Variants in RADIL observed in about 807,000 individuals in gnomAD.
The protein encoded by RADIL is ras-associating and dilute domain-containing protein.
RADIL carries 99 observed loss-of-function variants against 97.6 expected under a neutral mutation model. That is an observed-to-expected ratio of 1.01 (90% CI 0.86 to 1.20). The LOEUF is 1.20. Among genes scored for constraint, RADIL ranks in the 50% most tolerant of loss-of-function variants. RADIL has a pLI of 0.00. For missense variants in RADIL, 1,765 were observed against 1,498.9 expected (o/e 1.18, Z -2.93); for synonymous variants, 803 against 691.8 (o/e 1.16, Z -2.52).
rs1402454169 is a variant in RADIL at position 4,797,597 on chromosome 7, A to G, written c.*1781T>C. 6.6e-6 allele frequency: 1 copy of G among 152,078 alleles called. No individual in the cohort carries two copies. Among genetic ancestry groups the G allele is most frequent in the Non-Finnish European group, 1.5e-5 (1 of 68,040 alleles). The allele number at this position is 152,078 out of a possible 1,614,324, so 9.4% of individuals were successfully genotyped here. A position where few individuals can be genotyped will look rare whatever the true frequency, so the allele number is the denominator to read the frequency against. On this transcript the variant is annotated 3_prime_UTR_variant, in exon 15 of 15. Coordinates refer to ENST00000399583, the MANE Select transcript of RADIL (RefSeq NM_018059.5). ...TCAAATCAGAGTCCAGGATCCTGGG[A>G]TCTGCACCAGGTCCAGAAATGCAGA...
At position 4,860,098 on chromosome 7, in the gene RADIL, C is replaced by A. The variant is rs914579628; in HGVS notation, c.535+17507G>T. 1 of 1,613,996 alleles carries A rather than the reference C, an allele frequency of 6.2e-7. No homozygotes were observed. ...CCTGTTGCAAGGAAAATTCAGTAGC[C>A]TGTATGTTAGCCACAGATGCTGTCA... On this transcript the variant is annotated intron_variant, in intron 2 of 14. Transcript: ENST00000399583.
rs539840505 is a variant in RADIL at position 4,815,643 on chromosome 7, C to T, written c.1967-193G>A. 3.3e-5 allele frequency among the ~76,000 whole-genome samples: 5 copies of T among 152,218 alleles called. No homozygotes were observed. The East Asian group carries it at 7.7e-4, about 24-fold the overall frequency. ...TGAACCCCTCTCTGGAGCGGGGGTACGGTGGGAGGTGAACGTAGCAGGGCA... is the reference window on the plus strand; with the variant it reads ...TGAACCCCTCTCTGGAGCGGGGGTATGGTGGGAGGTGAACGTAGCAGGGCA... On this transcript the variant is annotated intron_variant, in intron 8 of 14. Coordinates refer to ENST00000399583, the MANE Select transcript of RADIL (RefSeq NM_018059.5). The surrounding 1 kb of genome is among the most constrained non-coding windows in gnomAD (Gnocchi z 8.0).
At chr7:4,848,302 A>T (rs1404523806) in intron 2 of RADIL, among the ~76,000 whole-genome samples, 1 of 152,040 alleles carries the variant, frequency 6.6e-6, no homozygotes, top group Non-Finnish European at 1.5e-5. Context: ...ATTCAATTGT[A>T]TACTAAAAAC....
At chr7:4,808,093 T>TCC (rs1782402999) in intron 9 of RADIL, among the ~76,000 whole-genome samples, 1 of 99,770 alleles carries the variant, frequency 1.0e-5, no homozygotes, top group African/African-American at 3.9e-5. Flanking sequence ...CCCTCCCTCC[T>TCC]CCTTCTTCCT....
At chr7:4,807,209 T>G (rs1399101733) in intron 9 of RADIL, among the ~76,000 whole-genome samples, 1 of 152,012 alleles carries the variant, frequency 6.6e-6, no homozygotes, top group Non-Finnish European at 1.5e-5. Context: ...GGCTACCAGA[T>G]GTCCACGCTG....
At chr7:4,823,948 C>T (rs1782904685) in intron 5 of RADIL, among the ~76,000 whole-genome samples, 1 of 152,234 alleles carries the variant, frequency 6.6e-6, no homozygotes, top group Non-Finnish European at 1.5e-5. Flanking sequence ...CCTGGGACGC[C>T]CCAGGGTCCT....
chr7:4,838,923 C>T (rs1783371477), intron 2 of RADIL, among the ~76,000 whole-genome samples: 1 of 152,216 alleles, frequency 6.6e-6, no homozygotes. Context: ...CCAGCAGGAC[C>T]CGTGCACTCG....
At position 4,813,020 on chromosome 7, in the gene RADIL, G is replaced by A. The variant is rs538671316; in HGVS notation, c.2139+2258C>T. 6.6e-6 allele frequency among the ~76,000 whole-genome samples: 1 copy of A among 152,200 alleles called. No individual in the cohort carries two copies. Among genetic ancestry groups the A allele is most frequent in the Non-Finnish European group, 1.5e-5 (1 of 68,004 alleles). On this transcript the variant is annotated intron_variant, in intron 9 of 14. Coordinates refer to ENST00000399583, the MANE Select transcript of RADIL (RefSeq NM_018059.5). This position sits in a 1 kb window ranked among gnomAD's most constrained non-coding sequence, Gnocchi z 5.0. ...CTTAATGCTGAGTTGGGGTTGGCAA[G>A]CTTTTGGTGAGGCTCAGACAGCCTC...
rs185380499 is a variant in RADIL at position 4,837,802 on chromosome 7, C to T, written c.536-1197G>A. 3.2e-3 allele frequency: 3,188 copies of T among 981,128 alleles called. 2 individuals are homozygous for T. Among genetic ancestry groups the T allele is most frequent in the Non-Finnish European group, 3.6e-3 (2,991 of 826,146 alleles). 60.8% of individuals were successfully genotyped at this position (981,128 alleles called of 1,614,324 possible). On this transcript the variant is annotated intron_variant, in intron 2 of 14. Coordinates refer to ENST00000399583, the MANE Select transcript of RADIL (RefSeq NM_018059.5). The surrounding 1 kb of genome is among the most constrained non-coding windows in gnomAD (Gnocchi z 5.6). ...AAATGCATGCTCTGGGAAAGCCAGC[C>T]GGCTGCGATAGATGAAAACCGCTCA...
At position 4,814,737 on chromosome 7, in the gene RADIL, G is replaced by A. The variant is rs931307712; in HGVS notation, c.2139+541C>T. Among the ~76,000 whole-genome samples the A allele has an allele frequency of 3.3e-5, 5 of 152,174 alleles. No individual in the cohort carries two copies. The highest frequency in any genetic ancestry group is 9.7e-5 in the African/African-American group (4 of 41,436). ...GAGCTGACAGCAAGATGAAGCCCCC[G>A]GGGGAGGATCTGTCTCCCTGCTCTT... On this transcript the variant is annotated intron_variant, in intron 9 of 14. Transcript: ENST00000399583. This position sits in a 1 kb window ranked among gnomAD's most constrained non-coding sequence, Gnocchi z 4.5.
At chr7:4,832,229 A>C (rs975857605) in intron 4 of RADIL, 51 bp from the exon 5 acceptor site, 1 of 1,553,326 alleles carries the variant, frequency 6.4e-7, no homozygotes, top group Non-Finnish European at 8.7e-7. Flanking sequence ...AGGCTAACAC[A>C]GGGACGCGTT....
At chr7:4,806,253 G>A (rs574261582) in intron 9 of RADIL, among the ~76,000 whole-genome samples, 10 of 152,144 alleles carry the variant, frequency 6.6e-5, no homozygotes, top group Non-Finnish European at 1.3e-4. Flanking sequence ...AGGATCAAGC[G>A]ATCCTCCCAC....
intron 2 of RADIL, among the ~76,000 whole-genome samples, chr7:4,853,371 T>C (rs565989234): frequency 6.6e-6 from 1 of 152,130 alleles, no homozygotes; most frequent in African/African-American, 2.4e-5. Context: ...CCTAAACACA[T>C]GGGCCTTTTA....
chr7:4,829,647 C>T (rs983164088), intron 5 of RADIL, among the ~76,000 whole-genome samples: 6 of 152,020 alleles, frequency 3.9e-5, no homozygotes, highest in Admixed American at 1.3e-4. Flanking sequence ...GTGGGAGGGA[C>T]GCGGTGGGTG....
At chr7:4,805,407 GGC>G (rs201404915) in intron 10 of RADIL, 157 bp downstream of exon 10, 76,044 of 648,218 alleles carry the variant, frequency 0.12, 2,625 homozygotes, top group Middle Eastern at 0.2. Flanking sequence ...GATGGGGCGG[GGC>G]GGGGGGGTCC....
intron 10 of RADIL, chr7:4,805,320 T>C: frequency 2.3e-6 from 1 of 440,670 alleles, no homozygotes; most frequent in Non-Finnish European, 4.0e-6. Context: ...GACCTGAGCC[T>C]GGAGTTTGGA....
intron 5 of RADIL, among the ~76,000 whole-genome samples, chr7:4,823,331 C>CTT (rs60439750): frequency 0.037 from 4,829 of 129,484 alleles, 131 homozygotes; most frequent in African/African-American, 0.075. Context: ...TATTAAAAAC[C>CTT]TTTTTTTTTT....
rs538457739 is a variant in RADIL at position 4,878,605 on chromosome 7, A to T, written c.-64-402T>A. Among the ~76,000 whole-genome samples the T allele has an allele frequency of 2.9e-4, 44 of 152,322 alleles. 1 individual carries two copies. Among genetic ancestry groups the T allele is most frequent in the Non-Finnish European group, 2.6e-4 (18 of 68,028 alleles). On this transcript the variant is annotated intron_variant, in intron 1 of 14. Coordinates refer to ENST00000399583, the MANE Select transcript of RADIL (RefSeq NM_018059.5). The surrounding 1 kb of genome is among the most constrained non-coding windows in gnomAD (Gnocchi z 4.1). Reference sequence around the variant, plus strand: ...CGCAGACCTGACACCAGAGCACCTGAGCAGAGGATGTGGCTGGAGCCTGCA... The same window carrying T: ...CGCAGACCTGACACCAGAGCACCTGTGCAGAGGATGTGGCTGGAGCCTGCA...
Position 4,857,485 on chromosome 7 carries a change from T to C in RADIL, c.535+20120A>G, listed in dbSNP as rs115212902. ...ATGACCATAGATCGTGTTTTCTTTT[T>C]ACTCTATTTTTTTGTATGCTTTCCC... is the stretch of plus-strand genomic sequence containing the variant. On this transcript the variant is annotated intron_variant, in intron 2 of 14. Coordinates refer to ENST00000399583, the MANE Select transcript of RADIL (RefSeq NM_018059.5). 6.3e-3 allele frequency among the ~76,000 whole-genome samples: 961 copies of C among 152,362 alleles called. 11 individuals carry two copies. The highest frequency in any genetic ancestry group is 0.022 in the African/African-American group (918 of 41,582).
Sources: allele counts gnomAD v4.1 joint callset (sites outside exome capture counted in the v4.1 genomes callset), GRCh38; gene constraint gnomAD v4.1.1; non-coding constraint Gnocchi (gnomAD v3.1); transcripts MANE v1.5; gene names NCBI Gene and HGNC (gene_info 2026-07-23, HGNC 2026-07-21).